The following ARHGEF4 variants were observed in gnomAD, a reference collection of about 807,000 sequenced individuals.
The protein encoded by ARHGEF4 is APC-stimulated guanine nucleotide exchange factor 1.
In ARHGEF4, 119 loss-of-function variants were observed where a neutral mutation model predicts 162.0. The observed-to-expected ratio is 0.73, with a 90% confidence interval of 0.63 to 0.86. ARHGEF4 has a LOEUF of 0.86. Ranked by LOEUF, ARHGEF4 falls within the 40% of genes least tolerant of loss-of-function variation. ARHGEF4 has a pLI of 0.00. For synonymous variants in ARHGEF4, 1,014 were observed against 979.9 expected, an observed-to-expected ratio of 1.03 and a Z score of -0.65; for missense variants, 2,488 against 2,456.0, an observed-to-expected ratio of 1.01 and a Z score of -0.28.
At chr2:130,958,365 G>A (rs777155873) in intron 4 of ARHGEF4, among the ~76,000 whole-genome samples, 4 of 151,938 alleles carry the variant, frequency 2.6e-5, no homozygotes, top group Non-Finnish European at 4.4e-5. Context: ...TGATTTTCTT[G>A]AATGGATGTT....
rs537814776 is a variant in ARHGEF4, at chr2:131,040,093, G to A, written c.4383G>A (p.Ala1461=). 3.7e-5 allele frequency: 59 copies of A among 1,609,618 alleles called. No individual in the cohort carries two copies. Among genetic ancestry groups the A allele is most frequent in the Non-Finnish European group, 4.5e-5 (53 of 1,178,078 alleles). The change falls in exon 7 of 14, where the codon GCG becomes GCA. Residue 1461 remains alanine, a synonymous_variant. Transcript: ENST00000409359. Reference sequence around the variant, plus strand: ...ACAGCGGAGCGGAGGACGGCGGGGCGGAGGCGCAGAGCAGCAAGGACCAGA... The same window carrying A: ...ACAGCGGAGCGGAGGACGGCGGGGCAGAGGCGCAGAGCAGCAAGGACCAGA... The part of the protein sequence containing the change: ...AGNSGAEDGG[A]EAQSSKDQMR...
At chr2:130,964,353 T>G (rs1479466370) in intron 4 of ARHGEF4, 5 of 670,734 alleles carry the variant, frequency 7.5e-6, no homozygotes, top group Non-Finnish European at 9.2e-6. Flanking sequence ...TCCCTCACTT[T>G]CTGCCTGTCG....
intron 4 of ARHGEF4, among the ~76,000 whole-genome samples, chr2:130,993,100 A>G (rs186712347): frequency 1.2e-3 from 186 of 152,236 alleles, no homozygotes; most frequent in African/African-American, 4.3e-3. Context: ...ACAAAACAAA[A>G]ATAGACATCA....
chr2:130,898,210 T>C (rs1044476337), intron 1 of ARHGEF4, among the ~76,000 whole-genome samples: 2 of 152,170 alleles, frequency 1.3e-5, no homozygotes, highest in African/African-American at 4.8e-5. Context: ...GACCTGAATC[T>C]ATCCAGAGTG....
chr2:130,951,722 C>T (rs531455097), intron 4 of ARHGEF4, among the ~76,000 whole-genome samples: 1 of 152,062 alleles, frequency 6.6e-6, no homozygotes, highest in African/African-American at 2.4e-5. Context: ...GTAGCTTTAG[C>T]GTTTCATGTA....
intron 1 of ARHGEF4, among the ~76,000 whole-genome samples, chr2:130,904,930 T>G (rs1680726505): frequency 6.6e-6 from 1 of 151,896 alleles, no homozygotes; most frequent in Non-Finnish European, 1.5e-5. Flanking sequence ...AATACAAACA[T>G]TAGCCAGGCG....
chr2:130,892,241 C>G (rs1430971878), intron 1 of ARHGEF4, among the ~76,000 whole-genome samples: 2 of 152,194 alleles, frequency 1.3e-5, no homozygotes, highest in Non-Finnish European at 2.9e-5. Flanking sequence ...TCTTGCAGCT[C>G]TGACAGAGCA....
At chr2:131,008,036 C>G (rs1233446614) in intron 4 of ARHGEF4, among the ~76,000 whole-genome samples, 1 of 151,990 alleles carries the variant, frequency 6.6e-6, no homozygotes, top group African/African-American at 2.4e-5. Flanking sequence ...TAGTCTCGAA[C>G]TCCTGACCTC....
chr2:130,976,764 C>T (rs962061198), intron 4 of ARHGEF4, among the ~76,000 whole-genome samples: 46 of 152,322 alleles, frequency 3.0e-4, no homozygotes, highest in Admixed American at 1.6e-3. Context: ...CAGAAGAGGG[C>T]CCATCAGAAA....
chr2:130,953,250 C>T (rs1276191882), intron 4 of ARHGEF4, among the ~76,000 whole-genome samples: 1 of 152,036 alleles, frequency 6.6e-6, no homozygotes, highest in Non-Finnish European at 1.5e-5. Context: ...AGAAATAACA[C>T]CACACATCTA....
chr2:131,021,260 T>C (rs1390198461), intron 4 of ARHGEF4, among the ~76,000 whole-genome samples: 1 of 152,138 alleles, frequency 6.6e-6, no homozygotes, highest in Non-Finnish European at 1.5e-5. Context: ...CAAAACAGCA[T>C]GGTATTGGTA....
intron 1 of ARHGEF4, among the ~76,000 whole-genome samples, chr2:130,876,756 A>G (rs144003073): frequency 0.011 from 1,615 of 152,208 alleles, 25 homozygotes; most frequent in African/African-American, 0.036. Context: ...AACAAAATCT[A>G]AGAGAGTTAA....
intron 1 of ARHGEF4, among the ~76,000 whole-genome samples, chr2:130,888,971 G>A (rs1001309878): frequency 1.1e-4 from 16 of 151,880 alleles, no homozygotes; most frequent in Admixed American, 2.0e-4. Flanking sequence ...CGGGCATGGT[G>A]GTAGGCATCT....
In ARHGEF4 at chr2:130,928,696, C is replaced by T. The variant is rs76431024; in HGVS notation, c.3553-2256C>T. On this transcript the variant is annotated intron_variant, in intron 2 of 13. Coordinates refer to ENST00000409359, the MANE Select transcript of ARHGEF4 (RefSeq NM_001367493.1). ...CTGTGCTCTGCAGCACCATCTACCC[C>T]TCCTACATCTACTTTACCCTTTCCA... Among the ~76,000 whole-genome samples the T allele has an allele frequency of 6.1e-3, 923 of 152,324 alleles. 8 individuals carry two copies. Among genetic ancestry groups the T allele is most frequent in the South Asian group, 0.03 (145 of 4,828 alleles).
chr2:130,999,656 G>C (rs1687643366), intron 4 of ARHGEF4, among the ~76,000 whole-genome samples: 1 of 152,008 alleles, frequency 6.6e-6, no homozygotes, highest in African/African-American at 2.4e-5. Flanking sequence ...CCTAAATCTT[G>C]CATTTTTTGT....
intron 1 of ARHGEF4, among the ~76,000 whole-genome samples, chr2:130,853,275 G>A (rs192686406): frequency 7.9e-5 from 12 of 152,322 alleles, no homozygotes; most frequent in Admixed American, 3.3e-4. Context: ...AGAGTAGCTG[G>A]TGGAGGAGGG....
In ARHGEF4 at chr2:130,915,486, G is replaced by A. The variant is rs74578239; in HGVS notation, c.1540G>A (p.Glu514Lys). 1.9e-5 allele frequency: 29 copies of A among 1,550,410 alleles called. No individual in the cohort carries two copies. The African/African-American group carries it at 2.3e-4, about 12-fold the overall frequency. ...SNYTSKYVLS[E>K]ESKSPTRAKF... ...TTACACATCAAAGTATGTGCTCAGC[G>A]AGGAAAGCAAGTCACCTACCAGGGC... Residue 514 changes from glutamate (E) to lysine (K), a missense_variant, in exon 2 of 14, where the codon GAG becomes AAG. Glu to Lys is a moderately conservative substitution (Grantham distance 56). Around this residue, in one of 6 missense-constraint regions of ARHGEF4, gnomAD observed 1,642 missense variants for 1,481.5 expected, o/e 1.11. Transcript: ENST00000409359.
intron 4 of ARHGEF4, among the ~76,000 whole-genome samples, chr2:130,970,490 G>A (rs1009164361): frequency 1.3e-5 from 2 of 151,840 alleles, no homozygotes; most frequent in Admixed American, 6.6e-5. Context: ...TCGGCAGGCT[G>A]AGGCAGGAGA....
chr2:131,025,297 A>G (rs972638963), intron 4 of ARHGEF4, among the ~76,000 whole-genome samples: 1 of 152,204 alleles, frequency 6.6e-6, no homozygotes, highest in Non-Finnish European at 1.5e-5. Flanking sequence ...CTCATTCACT[A>G]TCACGAGAAC....
Sources: allele counts gnomAD v4.1 joint callset (sites outside exome capture counted in the v4.1 genomes callset), GRCh38; gene constraint gnomAD v4.1.1; regional missense constraint gnomAD v4.1.1; transcripts MANE v1.5; gene names NCBI Gene and HGNC (gene_info 2026-07-23, HGNC 2026-07-21).